PDE8B: variants seen among roughly 807,000 people sequenced by gnomAD.
PDE8B encodes phosphodiesterase 8B, also known as high affinity cAMP-specific and IBMX-insensitive 3',5'-cyclic phosphodiesterase 8B.
A neutral mutation model predicts 101.3 loss-of-function variants in PDE8B; 26 were observed. That is an observed-to-expected ratio of 0.26 (90% confidence interval 0.19 to 0.36). The LOEUF (loss-of-function observed/expected upper bound fraction) is 0.36. PDE8B is among the 10% of genes least tolerant of loss of function. The pLI, the probability that PDE8B is intolerant of heterozygous loss-of-function variation, is 1.00. For missense variants in PDE8B, 810 were observed against 1,163.1 expected (o/e 0.70, Z 4.42); for synonymous variants, 424 against 429.3 (o/e 0.99, Z 0.15).
chr5:77,091,399 G>T, the PDE8B span, among the ~76,000 whole-genome samples: 4 of 152,226 alleles, frequency 2.6e-5, no homozygotes, highest in Admixed American at 2.0e-4. Context: ...CAGCATTTTG[G>T]GAGGCCCAGG....
chr5:77,201,185 TG>T, the PDE8B span, among the ~76,000 whole-genome samples: 1 of 152,172 alleles, frequency 6.6e-6, no homozygotes, highest in Non-Finnish European at 1.5e-5. Flanking sequence ...AATCCAGACA[TG>T]GAGCAAAAAA....
At position 77,211,168 on chromosome 5, in the gene PDE8B, T is replaced by A. The variant is rs750487020; in HGVS notation, c.243T>A (p.Gly81=). The part of the protein sequence containing the change: ...RTELGSGSSA[G]SAAPAATTSR... ...AGCTGGGCAGCGGTAGCAGCGCGGGTTCCGCAGCCCCCGCCGCGACCACCA... is the reference window on the plus strand; with the variant it reads ...AGCTGGGCAGCGGTAGCAGCGCGGGATCCGCAGCCCCCGCCGCGACCACCA... Residue 81 remains glycine, a synonymous_variant, in exon 1 of 22, where the codon GGT becomes GGA. Transcript: ENST00000264917. This position sits in a 1 kb window ranked among gnomAD's most constrained non-coding sequence, Gnocchi z 4.1. 6.5e-7 allele frequency: 1 copy of A among 1,533,056 alleles called. No homozygotes were observed. Among genetic ancestry groups the A allele is most frequent in the South Asian group, 1.2e-5 (1 of 83,974 alleles). The allele number at this position is 1,533,056 out of a possible 1,614,324, so 95.0% of individuals were successfully genotyped here.
intron 20 of PDE8B, among the ~76,000 whole-genome samples, chr5:77,425,520 T>C (rs1023921531): frequency 1.3e-5 from 2 of 152,268 alleles, no homozygotes; most frequent in African/African-American, 2.4e-5. Context: ...ACCACTGTAC[T>C]ACAGCTTGGG....
chr5:77,128,251 A>G, the PDE8B span, among the ~76,000 whole-genome samples: 1 of 152,112 alleles, frequency 6.6e-6, no homozygotes, highest in Non-Finnish European at 1.5e-5. Flanking sequence ...ATCTGCACTT[A>G]CCACTCAAGC....
chr5:77,115,409 A>C, the PDE8B span: 3 of 152,246 alleles, frequency 2.0e-5, no homozygotes, highest in Non-Finnish European at 4.4e-5. Flanking sequence ...ATATAAAGAA[A>C]CATTTCATCT....
intron 1 of PDE8B, among the ~76,000 whole-genome samples, chr5:77,301,635 G>A (rs1769965063): frequency 6.6e-6 from 1 of 152,160 alleles, no homozygotes; most frequent in African/African-American, 2.4e-5. Flanking sequence ...TATTATCAGT[G>A]GTATCTCTAA....
At chr5:77,338,826 C>T (rs7724077) in intron 6 of PDE8B, among the ~76,000 whole-genome samples, 5 of 152,134 alleles carry the variant, frequency 3.3e-5, no homozygotes, top group South Asian at 2.1e-4. Context: ...AAATGAACGG[C>T]GCAACACCTC....
the PDE8B span, among the ~76,000 whole-genome samples, chr5:77,171,377 G>A: frequency 3.3e-5 from 5 of 152,138 alleles, no homozygotes; most frequent in African/African-American, 9.7e-5. Flanking sequence ...GTGGCTTCTC[G>A]GAATTTGAAA....
At chr5:77,164,908 A>G in the PDE8B span, among the ~76,000 whole-genome samples, 6 of 152,280 alleles carry the variant, frequency 3.9e-5, no homozygotes, top group East Asian at 7.7e-4. Flanking sequence ...ATGAAGTTCA[A>G]TATTGGCACT....
chr5:77,364,659 A>G (rs1396495703), intron 10 of PDE8B, among the ~76,000 whole-genome samples: 1 of 152,152 alleles, frequency 6.6e-6, no homozygotes, highest in African/African-American at 2.4e-5. Flanking sequence ...AGTGGCTTCA[A>G]CTTTTCCTCA....
intron 10 of PDE8B, among the ~76,000 whole-genome samples, chr5:77,398,404 C>T (rs1473159741): frequency 6.6e-6 from 1 of 150,594 alleles, no homozygotes; most frequent in Non-Finnish European, 1.5e-5. Flanking sequence ...TCACTGCAAC[C>T]TCTGCCTCCT....
intron 1 of PDE8B, among the ~76,000 whole-genome samples, chr5:77,245,171 T>G (rs186433726): frequency 5.6e-4 from 85 of 152,306 alleles, no homozygotes; most frequent in African/African-American, 2.0e-3. Flanking sequence ...AACTAGAACA[T>G]TGTCATACAG....
At chr5:77,289,021 C>G (rs921940894) in intron 1 of PDE8B, among the ~76,000 whole-genome samples, 11 of 152,038 alleles carry the variant, frequency 7.2e-5, no homozygotes, top group African/African-American at 2.4e-4. Context: ...TCCCCTCTTT[C>G]TTCGCTTCTC....
chr5:77,127,085 C>T, the PDE8B span, among the ~76,000 whole-genome samples: 1 of 152,172 alleles, frequency 6.6e-6, no homozygotes, highest in Non-Finnish European at 1.5e-5. Flanking sequence ...ATTCCACTCA[C>T]CCACCCTAGT....
chr5:77,397,026 A>ATTTTTTTGTTTTTTTTTTTT (rs1791209375), intron 10 of PDE8B, among the ~76,000 whole-genome samples: 1 of 84,420 alleles, frequency 1.2e-5, no homozygotes, highest in African/African-American at 5.5e-5. Context: ...CCGATAAGAA[A>ATTTTTTTGTTTTTTTTTTTT]TTTTTTTTTT....
rs990587275 is a variant in PDE8B, at chr5:77,297,427, C to T, written c.340-14567C>T. 6.6e-5 allele frequency among the ~76,000 whole-genome samples: 10 copies of T among 152,222 alleles called. No homozygotes were observed. In the East Asian group the frequency reaches 1.5e-3, roughly 24 times the overall value. Reference sequence around the variant, plus strand: ...CATTCATCTGGAAGGCCAGTCATTACACACTGGGCCCACCCCTAGAGTTTC... The same window carrying T: ...CATTCATCTGGAAGGCCAGTCATTATACACTGGGCCCACCCCTAGAGTTTC... On this transcript the variant is annotated intron_variant, in intron 1 of 21. Coordinates refer to ENST00000264917, the MANE Select transcript of PDE8B (RefSeq NM_003719.5).
chr5:77,190,960 T>C, the PDE8B span, among the ~76,000 whole-genome samples: 1 of 152,220 alleles, frequency 6.6e-6, no homozygotes, highest in Non-Finnish European at 1.5e-5. Context: ...AAACAACAGA[T>C]ACTCATTTCC....
At chr5:77,388,781 A>T (rs1789278894) in intron 10 of PDE8B, among the ~76,000 whole-genome samples, 1 of 151,962 alleles carries the variant, frequency 6.6e-6, no homozygotes, top group Non-Finnish European at 1.5e-5. Flanking sequence ...AGAGAGGAGG[A>T]ATCTAGAGAG....
the PDE8B span, among the ~76,000 whole-genome samples, chr5:77,194,276 TA>T: frequency 1.2e-4 from 19 of 152,158 alleles, no homozygotes; most frequent in Non-Finnish European, 2.2e-4. Flanking sequence ...TTTATCAGGT[TA>T]AAAAAAGTTT....
Sources: allele counts gnomAD v4.1 joint callset (sites outside exome capture counted in the v4.1 genomes callset), GRCh38; gene constraint gnomAD v4.1.1; non-coding constraint Gnocchi (gnomAD v3.1); transcripts MANE v1.5; gene names NCBI Gene and HGNC (gene_info 2026-07-23, HGNC 2026-07-21).